B4GALT6: variants seen among roughly 807,000 people sequenced by gnomAD.
B4GALT6 encodes the protein beta-1,4-galactosyltransferase 6.
A neutral mutation model predicts 46.3 loss-of-function variants in B4GALT6; 14 were observed. That is an observed-to-expected ratio of 0.30 (90% CI 0.20 to 0.47). The LOEUF (loss-of-function observed/expected upper bound fraction) is 0.47, where lower values mean the gene tolerates loss of function less well. B4GALT6 is among the 20% of genes least tolerant of loss of function. B4GALT6 has a pLI of 0.99. For synonymous variants in B4GALT6, 168 were observed against 162.0 expected (o/e 1.04, Z -0.28); for missense variants, 386 against 480.1 (o/e 0.80, Z 1.83).
At chr18:31,629,425 C>A (rs60845933) in intron 6 of B4GALT6, among the ~76,000 whole-genome samples, 2 of 49,958 alleles carry the variant, frequency 4.0e-5, no homozygotes, top group Non-Finnish European at 8.9e-5. Flanking sequence ...ATTTAGAATT[C>A]TTAGTTTATA....
At chr18:31,676,866 T>C (rs1157667113) in intron 1 of B4GALT6, among the ~76,000 whole-genome samples, 1 of 152,210 alleles carries the variant, frequency 6.6e-6, no homozygotes, top group Non-Finnish European at 1.5e-5. Context: ...TATTAAAGCA[T>C]ATCACCTTAA....
At chr18:31,651,536 C>A (rs1383353957) in intron 3 of B4GALT6, among the ~76,000 whole-genome samples, 1 of 152,096 alleles carries the variant, frequency 6.6e-6, no homozygotes, top group Admixed American at 6.5e-5. Context: ...CCTGGCCATC[C>A]CCTCAGGGAC....
rs543590705 is a variant in B4GALT6, at chr18:31,628,518, T to C, written c.777-1397A>G. Among the ~76,000 whole-genome samples the C allele has an allele frequency of 3.9e-5, 6 of 152,224 alleles. No individual in the cohort carries two copies. In the East Asian group the frequency reaches 9.6e-4, roughly 24 times the overall value. On this transcript the variant is annotated intron_variant, in intron 6 of 8. Transcript: ENST00000306851. ...ATATGAATAATGGAAAGTTATTAGG[T>C]AAAATGAAGGTATAACAGATAAACT...
At chr18:31,634,484 T>C (rs2073833056) in intron 5 of B4GALT6, among the ~76,000 whole-genome samples, 1 of 152,222 alleles carries the variant, frequency 6.6e-6, no homozygotes, top group South Asian at 2.1e-4. Flanking sequence ...TCTACAAGCA[T>C]GTGGGTTTGC....
At chr18:31,627,461 A>G (rs1380761539) in intron 6 of B4GALT6, among the ~76,000 whole-genome samples, 1 of 152,314 alleles carries the variant, frequency 6.6e-6, no homozygotes, top group Admixed American at 6.5e-5. Flanking sequence ...AAATATATTT[A>G]TAATGGTCAA....
At chr18:31,685,100 C>T (rs1176468681), upstream of B4GALT6, among the ~76,000 whole-genome samples, 11 of 146,318 alleles carry the variant, frequency 7.5e-5, no homozygotes, top group Admixed American at 7.4e-4. Context: ...CGCGCCGGGC[C>T]CCGGCGCCCC....
intron 5 of B4GALT6, among the ~76,000 whole-genome samples, chr18:31,637,036 G>T (rs1021740786): frequency 6.6e-6 from 1 of 151,944 alleles, no homozygotes; most frequent in African/African-American, 2.4e-5. Context: ...GGCCAGGCTG[G>T]TCTTGAACTC....
intron 2 of B4GALT6, among the ~76,000 whole-genome samples, chr18:31,658,821 A>G (rs1376970503): frequency 6.6e-6 from 1 of 152,196 alleles, no homozygotes; most frequent in African/African-American, 2.4e-5. Context: ...CTTCAATAAG[A>G]CAAAATGTGT....
Position 31,626,384 on chromosome 18 carries a change from TCTA to T in B4GALT6, c.900-3_900-1del. On this transcript the variant is annotated splice_acceptor_variant and splice_polypyrimidine_tract_variant and intron_variant, in intron 7 of 8. Coordinates refer to ENST00000306851, the MANE Select transcript of B4GALT6 (RefSeq NM_004775.5). LOFTEE classifies it high-confidence loss of function. ...TTACATTATATCCAGCATAGTGAACTCTACAATGCCATATATGGAAATGAAAAT... is the reference window on the plus strand; with the variant it reads ...TTACATTATATCCAGCATAGTGAACTCAATGCCATATATGGAAATGAAAAT... The T allele has an allele frequency of 6.7e-7, 1 of 1,490,110 alleles. No individual in the cohort carries two copies. Among genetic ancestry groups the T allele is most frequent in the Non-Finnish European group, 9.3e-7 (1 of 1,079,414 alleles). The allele number at this position is 1,490,110 out of a possible 1,614,324, so 92.3% of individuals were successfully genotyped here. A position where few individuals can be genotyped will look rare whatever the true frequency, so the allele number is the denominator to read the frequency against.
chr18:31,700,435 T>TTGTGTGTGTGTGTG, the B4GALT6 span, among the ~76,000 whole-genome samples: 830 of 139,552 alleles, frequency 5.9e-3, 5 homozygotes, highest in East Asian at 0.044. Context: ...AATTGACTAT[T>TTGTGTGTGTGTGTG]TGTGTGTGTG....
chr18:31,702,883 G>A, the B4GALT6 span, among the ~76,000 whole-genome samples: 1 of 152,154 alleles, frequency 6.6e-6, no homozygotes, highest in African/African-American at 2.4e-5. Context: ...AGGGGAAATG[G>A]GAGGTATGCA....
the B4GALT6 span, among the ~76,000 whole-genome samples, chr18:31,692,162 A>G: frequency 6.6e-6 from 1 of 152,202 alleles, no homozygotes. Context: ...TTGAGTCAAC[A>G]ATAAATTGAA....
At chr18:31,712,479 T>G in the B4GALT6 span, among the ~76,000 whole-genome samples, 2 of 151,896 alleles carry the variant, frequency 1.3e-5, no homozygotes, top group African/African-American at 4.8e-5. Context: ...ATTTTTGTAT[T>G]TTTAGTAGAG....
intron 3 of B4GALT6, among the ~76,000 whole-genome samples, chr18:31,645,902 A>G (rs759237857): frequency 6.6e-6 from 1 of 152,204 alleles, no homozygotes; most frequent in Non-Finnish European, 1.5e-5. Flanking sequence ...AAGCAGTCAG[A>G]TTGACTGGGA....
chr18:31,679,812 C>G (rs552202276), intron 1 of B4GALT6, among the ~76,000 whole-genome samples: 2 of 152,172 alleles, frequency 1.3e-5, no homozygotes, highest in Admixed American at 6.5e-5. Context: ...CTATTAATAG[C>G]TACCTGAATG....
intron 5 of B4GALT6, among the ~76,000 whole-genome samples, chr18:31,632,885 C>A (rs1442202499): frequency 1.3e-5 from 2 of 152,084 alleles, no homozygotes; most frequent in Admixed American, 1.3e-4. Context: ...TCTATCAATT[C>A]TTTCTCCATC....
At position 31,634,455 on chromosome 18, in the gene B4GALT6, T is replaced by C. The variant is rs193014149; in HGVS notation, c.589-3309A>G. Among the ~76,000 whole-genome samples the C allele has an allele frequency of 2.0e-3, 308 of 152,328 alleles. 1 individual carries two copies. Among genetic ancestry groups the C allele is most frequent in the Non-Finnish European group, 2.9e-3 (197 of 68,018 alleles). On this transcript the variant is annotated intron_variant, in intron 5 of 8. Coordinates refer to ENST00000306851, the MANE Select transcript of B4GALT6 (RefSeq NM_004775.5). ...AGAGGTGTGTCCAGCAAATTGACTCTAGTCTTGTCACATCACCCTCTACAA... is the reference window on the plus strand; with the variant it reads ...AGAGGTGTGTCCAGCAAATTGACTCCAGTCTTGTCACATCACCCTCTACAA...
chr18:31,663,327 T>C (rs537670265), intron 2 of B4GALT6, among the ~76,000 whole-genome samples: 20 of 152,294 alleles, frequency 1.3e-4, no homozygotes, highest in Admixed American at 1.3e-3. Flanking sequence ...CATGTACCCA[T>C]CAAATGAGGA....
intron 3 of B4GALT6, among the ~76,000 whole-genome samples, chr18:31,648,412 G>A (rs2144597579): frequency 6.6e-6 from 1 of 152,282 alleles, no homozygotes; most frequent in East Asian, 1.9e-4. Context: ...GAAAGAGCAG[G>A]AGAACTGAGT....
Sources: allele counts gnomAD v4.1 joint callset (sites outside exome capture counted in the v4.1 genomes callset), GRCh38; gene constraint gnomAD v4.1.1; transcripts MANE v1.5; gene names NCBI Gene and HGNC (gene_info 2026-07-23, HGNC 2026-07-21).